ALK: variants seen among roughly 807,000 people sequenced by gnomAD.
ALK encodes the protein ALK tyrosine kinase receptor.
ALK carries 74 observed loss-of-function variants against 163.1 expected under a neutral mutation model. The observed-to-expected ratio is 0.45, with a 90% confidence interval of 0.38 to 0.55. The LOEUF is 0.55. Among genes scored for constraint, ALK ranks in the 20% least tolerant of loss-of-function variants. ALK has a pLI of 0.00. For synonymous variants in ALK, 960 were observed against 843.2 expected (o/e 1.14, Z -2.40); for missense variants, 2,063 against 2,105.3 (o/e 0.98, Z 0.39).
At chr2:29,335,736 T>C (rs1363249556) in intron 5 of ALK, among the ~76,000 whole-genome samples, 2 of 152,168 alleles carry the variant, frequency 1.3e-5, no homozygotes, top group African/African-American at 4.8e-5. Flanking sequence ...GGATAGACTC[T>C]TGGCACTGGT....
intron 1 of ALK, among the ~76,000 whole-genome samples, chr2:29,784,357 C>T (rs1391949019): frequency 1.3e-5 from 2 of 152,174 alleles, no homozygotes; most frequent in Non-Finnish European, 2.9e-5. Context: ...CTGGTAGGAA[C>T]ACATCTGTCT....
chr2:29,863,526 C>G (rs771631344), intron 1 of ALK, among the ~76,000 whole-genome samples: 3 of 152,000 alleles, frequency 2.0e-5, no homozygotes, highest in African/African-American at 4.8e-5. Flanking sequence ...TTTAAATGCT[C>G]ACATCCACTA....
intron 4 of ALK, among the ~76,000 whole-genome samples, chr2:29,461,155 A>AAGC (rs1671075312): frequency 6.6e-6 from 1 of 152,200 alleles, no homozygotes; most frequent in Admixed American, 6.5e-5. Context: ...AGAGGCGAGG[A>AAGC]AGCTGCAGAA....
At chr2:29,213,927 G>A (rs2148159074) in intron 24 of ALK, 57 bp downstream of exon 24, 1 of 1,444,962 alleles carries the variant, frequency 6.9e-7, no homozygotes, top group Non-Finnish European at 9.7e-7. Flanking sequence ...GAGATCTGCG[G>A]GGAAGCACAC....
At chr2:29,342,878 T>C (rs1667835158) in intron 5 of ALK, among the ~76,000 whole-genome samples, 1 of 8,590 alleles carries the variant, frequency 1.2e-4, no homozygotes, top group Admixed American at 1.8e-3. Context: ...CTCAGTGATC[T>C]TTTTTTTTTT....
chr2:29,806,524 G>T (rs762980818), intron 1 of ALK, among the ~76,000 whole-genome samples: 22 of 152,182 alleles, frequency 1.4e-4, no homozygotes, highest in Non-Finnish European at 2.9e-4. Flanking sequence ...AACTAAAATT[G>T]CACAGTGGCT....
At chr2:29,305,133 G>T (rs928402348) in intron 8 of ALK, among the ~76,000 whole-genome samples, 6 of 152,296 alleles carry the variant, frequency 3.9e-5, no homozygotes, top group Admixed American at 2.0e-4. Flanking sequence ...TTTCATCTTG[G>T]ACTTTGAGTA....
chr2:29,845,255 C>A (rs1204208568), intron 1 of ALK, among the ~76,000 whole-genome samples: 2 of 152,204 alleles, frequency 1.3e-5, no homozygotes, highest in Non-Finnish European at 2.9e-5. Flanking sequence ...CAGGCTCACA[C>A]AAACCCTGGC....
chr2:29,404,431 C>CT (rs1471601668), intron 4 of ALK, among the ~76,000 whole-genome samples: 7 of 151,978 alleles, frequency 4.6e-5, no homozygotes, highest in Non-Finnish European at 8.8e-5. Context: ...TACAAGATGA[C>CT]TTTAAACAAC....
intron 1 of ALK, among the ~76,000 whole-genome samples, chr2:29,821,783 G>C (rs1308338064): frequency 6.6e-6 from 1 of 152,162 alleles, no homozygotes; most frequent in Non-Finnish European, 1.5e-5. Flanking sequence ...GGGAAGAGAA[G>C]GGAAACTCAA....
At chr2:29,744,580 C>T (rs776700781) in intron 1 of ALK, among the ~76,000 whole-genome samples, 1 of 151,922 alleles carries the variant, frequency 6.6e-6, no homozygotes, top group African/African-American at 2.4e-5. Context: ...TTTTAATTAA[C>T]TGACTTTTCT....
chr2:29,272,344 T>G (rs1573181149), intron 11 of ALK, among the ~76,000 whole-genome samples: 1 of 152,356 alleles, frequency 6.6e-6, no homozygotes, highest in African/African-American at 2.4e-5. Context: ...CATCTTCATC[T>G]GATTAGCTAA....
At chr2:29,506,641 G>A (rs1381353723) in intron 4 of ALK, among the ~76,000 whole-genome samples, 1 of 152,112 alleles carries the variant, frequency 6.6e-6, no homozygotes, top group African/African-American at 2.4e-5. Context: ...AGCTCCTCAG[G>A]AGGCTGAGGC....
intron 4 of ALK, among the ~76,000 whole-genome samples, chr2:29,434,525 G>A (rs985165112): frequency 6.6e-6 from 1 of 152,170 alleles, no homozygotes; most frequent in Non-Finnish European, 1.5e-5. Context: ...TACATTACTT[G>A]GAAGCAACAC....
intron 1 of ALK, among the ~76,000 whole-genome samples, chr2:29,834,815 AC>A (rs1394039273): frequency 6.6e-6 from 1 of 152,216 alleles, no homozygotes; most frequent in African/African-American, 2.4e-5. Flanking sequence ...ACACAGAAAG[AC>A]CAGAGTTTCC....
At chr2:29,321,346 G>A (rs1299084489) in intron 6 of ALK, among the ~76,000 whole-genome samples, 1 of 152,226 alleles carries the variant, frequency 6.6e-6, no homozygotes, top group Non-Finnish European at 1.5e-5. Context: ...TTGATACAAT[G>A]TCCAGACTGT....
chr2:29,616,080 G>T (rs375899660), intron 3 of ALK, among the ~76,000 whole-genome samples: 1 of 152,212 alleles, frequency 6.6e-6, no homozygotes, highest in Non-Finnish European at 1.5e-5. Context: ...TGGTGAGGCC[G>T]ACATCTCTAC....
intron 1 of ALK, among the ~76,000 whole-genome samples, chr2:29,824,021 C>T (rs1350729320): frequency 1.3e-5 from 2 of 152,170 alleles, no homozygotes; most frequent in African/African-American, 4.8e-5. Flanking sequence ...GGGTCCCATG[C>T]TGTGTGCAGT....
At chr2:29,884,426 C>T (rs1024969598) in intron 1 of ALK, among the ~76,000 whole-genome samples, 3 of 151,954 alleles carry the variant, frequency 2.0e-5, no homozygotes, top group Non-Finnish European at 4.4e-5. Context: ...AGCTGCCAGC[C>T]ATTTCAAGAT....
Sources: allele counts gnomAD v4.1 joint callset (sites outside exome capture counted in the v4.1 genomes callset), GRCh38; gene constraint gnomAD v4.1.1; transcripts MANE v1.5; gene names NCBI Gene and HGNC (gene_info 2026-07-23, HGNC 2026-07-21).